DGKI: variants seen among roughly 807,000 people sequenced by gnomAD.
DGKI encodes the protein DAG kinase iota.
Under a neutral mutation model 147.5 loss-of-function variants are expected in DGKI, and 55 were observed. The ratio of observed to expected loss-of-function variants is 0.37; its 90% CI spans 0.30 to 0.47. The LOEUF (loss-of-function observed/expected upper bound fraction) is 0.47, where lower values mean the gene tolerates loss of function less well. DGKI is among the 20% of genes least tolerant of loss of function. The pLI is 1.00. For missense variants in DGKI, 1,007 were observed against 1,323.8 expected, an observed-to-expected ratio of 0.76 and a Z score of 3.71; for synonymous variants, 469 against 477.1, an observed-to-expected ratio of 0.98 and a Z score of 0.22.
chr7:137,767,506 AG>A (rs1796051339), intron 1 of DGKI, among the ~76,000 whole-genome samples: 1 of 149,542 alleles, frequency 6.7e-6, no homozygotes, highest in Non-Finnish European at 1.5e-5. Context: ...AGAAGAGAAG[AG>A]AAGAGAAGAG....
chr7:137,471,675 T>G (rs1814894920), intron 23 of DGKI, among the ~76,000 whole-genome samples: 1 of 151,996 alleles, frequency 6.6e-6, no homozygotes, highest in African/African-American at 2.4e-5. Flanking sequence ...AAAGGATGCA[T>G]CTTAGTAAAC....
intron 28 of DGKI, 71 bp downstream of exon 28, chr7:137,444,006 A>C: frequency 7.7e-7 from 1 of 1,291,740 alleles, no homozygotes; most frequent in Non-Finnish European, 1.1e-6. Flanking sequence ...ATTTGCTCTG[A>C]CAATGAACTG....
At chr7:137,427,420 T>C (rs891065759) in intron 28 of DGKI, among the ~76,000 whole-genome samples, 1 of 152,246 alleles carries the variant, frequency 6.6e-6, no homozygotes, top group South Asian at 2.1e-4. Flanking sequence ...GGGACATTTA[T>C]AGCACTAAAT....
At chr7:137,460,851 T>C (rs1814412666) in intron 27 of DGKI, among the ~76,000 whole-genome samples, 1 of 152,222 alleles carries the variant, frequency 6.6e-6, no homozygotes, top group Non-Finnish European at 1.5e-5. Flanking sequence ...AATGACATAA[T>C]AAATCAAGGT....
Position 137,545,175 on chromosome 7 carries a change from C to G in DGKI, c.2147+7194G>C, listed in dbSNP as rs547729714. Reference sequence around the variant, plus strand: ...AGGGAGATAATTATACCACATATGGCCAAAGGTTGTTGGGAGAGCAAATTA... The same window carrying G: ...AGGGAGATAATTATACCACATATGGGCAAAGGTTGTTGGGAGAGCAAATTA... On this transcript the variant is annotated intron_variant, in intron 20 of 32. Coordinates refer to ENST00000614521, the MANE Select transcript of DGKI (RefSeq NM_001321708.2). Among the ~76,000 whole-genome samples the G allele has an allele frequency of 1.2e-3, 179 of 152,142 alleles. 1 individual carries two copies. Among genetic ancestry groups the G allele is most frequent in the Non-Finnish European group, 2.2e-3 (151 of 67,986 alleles).
At chr7:137,523,821 G>T (rs933768363) in intron 20 of DGKI, among the ~76,000 whole-genome samples, 4 of 151,820 alleles carry the variant, frequency 2.6e-5, no homozygotes, top group Non-Finnish European at 5.9e-5. Flanking sequence ...TGAATATACT[G>T]AAAACTCACA....
chr7:137,617,488 A>C (rs1820575168), intron 8 of DGKI, among the ~76,000 whole-genome samples: 1 of 152,118 alleles, frequency 6.6e-6, no homozygotes. Flanking sequence ...TGGCATTTGG[A>C]TTTTTTTAAT....
At chr7:137,706,827 C>T (rs930980684) in intron 1 of DGKI, among the ~76,000 whole-genome samples, 41 of 152,238 alleles carry the variant, frequency 2.7e-4, no homozygotes, top group African/African-American at 9.4e-4. Context: ...CCACCTCGGC[C>T]TCCCATAGTG....
chr7:137,609,176 C>CTATTTTTTTTTTTTTTTTT, intron 9 of DGKI, 112 bp from the exon 10 acceptor site: 1 of 741,682 alleles, frequency 1.3e-6, no homozygotes, highest in South Asian at 1.8e-5. Context: ...CCAGGGCTGA[C>CTATTTTTTTTTTTTTTTTT]TCTTAACACG....
intron 1 of DGKI, among the ~76,000 whole-genome samples, chr7:137,740,784 C>A (rs1795152709): frequency 6.6e-6 from 1 of 152,110 alleles, no homozygotes; most frequent in South Asian, 2.1e-4. Context: ...TTAAAATAAC[C>A]ATCCAATATA....
intron 20 of DGKI, among the ~76,000 whole-genome samples, chr7:137,524,219 G>A (rs1298563032): frequency 2.6e-5 from 4 of 152,110 alleles, no homozygotes; most frequent in Non-Finnish European, 5.9e-5. Context: ...GTGAAGTGAA[G>A]AAAAGTCATG....
At chr7:137,450,145 A>T (rs1349238239) in intron 27 of DGKI, among the ~76,000 whole-genome samples, 1 of 152,158 alleles carries the variant, frequency 6.6e-6, no homozygotes, top group Non-Finnish European at 1.5e-5. Context: ...GGTGAGGGAG[A>T]TGGGAGACAT....
chr7:137,423,088 T>C (rs1001366221), intron 28 of DGKI, among the ~76,000 whole-genome samples: 3 of 152,206 alleles, frequency 2.0e-5, no homozygotes, highest in Non-Finnish European at 4.4e-5. Context: ...GAGAGTTTAA[T>C]TTAGATTGTC....
intron 27 of DGKI, among the ~76,000 whole-genome samples, chr7:137,462,111 T>C (rs6967549): frequency 0.13 from 20,480 of 151,936 alleles, 3,029 homozygotes; most frequent in African/African-American, 0.38. Flanking sequence ...TATATATATA[T>C]ACAACTAAAA....
intron 1 of DGKI, among the ~76,000 whole-genome samples, chr7:137,731,220 C>T (rs1472978302): frequency 6.6e-6 from 1 of 152,054 alleles, no homozygotes; most frequent in Non-Finnish European, 1.5e-5. Context: ...GAAACATTTA[C>T]CCTCTTCCAA....
chr7:137,482,324 T>C (rs922247363), intron 23 of DGKI, among the ~76,000 whole-genome samples: 5 of 151,850 alleles, frequency 3.3e-5, no homozygotes, highest in Non-Finnish European at 5.9e-5. Context: ...ATGATTCTTC[T>C]TGACCAGTTG....
At chr7:137,669,026 C>T (rs1822748215) in intron 3 of DGKI, among the ~76,000 whole-genome samples, 1 of 152,126 alleles carries the variant, frequency 6.6e-6, no homozygotes, top group African/African-American at 2.4e-5. Flanking sequence ...GCAGTATAAT[C>T]CCATTTTCCA....
intron 28 of DGKI, among the ~76,000 whole-genome samples, chr7:137,434,837 T>C (rs902033497): frequency 1.3e-5 from 2 of 152,176 alleles, no homozygotes; most frequent in African/African-American, 2.4e-5. Flanking sequence ...TTGTTTTGTT[T>C]TGTTCTGTTT....
At position 137,560,753 on chromosome 7, in the gene DGKI, G is replaced by A. The variant is rs112391251; in HGVS notation, c.1948-8185C>T. Among the ~76,000 whole-genome samples the A allele has an allele frequency of 8.8e-3, 1,344 of 152,298 alleles. 7 individuals are homozygous for A. Among genetic ancestry groups the A allele is most frequent in the Non-Finnish European group, 0.015 (1,014 of 68,020 alleles). On this transcript the variant is annotated intron_variant, in intron 19 of 32. Coordinates refer to ENST00000614521, the MANE Select transcript of DGKI (RefSeq NM_001321708.2). ...ATAGAAACAGGCTGGAGTGGCACAG[G>A]ACTGTAAGCCAAAGAATGTGGGCAG...
Sources: allele counts gnomAD v4.1 joint callset (sites outside exome capture counted in the v4.1 genomes callset), GRCh38; gene constraint gnomAD v4.1.1; transcripts MANE v1.5; gene names NCBI Gene and HGNC (gene_info 2026-07-23, HGNC 2026-07-21).